Variants in RAP1GAP2 observed in about 807,000 individuals in gnomAD.
RAP1GAP2 encodes the protein RAP1 GTPase activating protein 2.
RAP1GAP2 carries 27 observed loss-of-function variants against 95.0 expected under a neutral mutation model. The observed-to-expected ratio is 0.28, with a 90% CI of 0.21 to 0.39. RAP1GAP2 has a LOEUF of 0.39. Among genes scored for constraint, RAP1GAP2 ranks in the 10% least tolerant of loss-of-function variants. The pLI, the probability that RAP1GAP2 is intolerant of heterozygous loss-of-function variation, is 1.00. For synonymous variants in RAP1GAP2, 373 were observed against 380.9 expected, an observed-to-expected ratio of 0.98 and a Z score of 0.24; for missense variants, 771 against 970.0, an observed-to-expected ratio of 0.79 and a Z score of 2.72.
In RAP1GAP2 at chr17:2,849,656, G is replaced by A. The variant is rs995893484; in HGVS notation, c.80+49106G>A. Among the ~76,000 whole-genome samples, 9 of 152,304 alleles carry A rather than the reference G, an allele frequency of 5.9e-5. No homozygotes were observed. The East Asian group carries it at 1.7e-3, about 29-fold the overall frequency. ...TTCCCCTGGACTGGAAGAGAGACCT[G>A]GGCTGGCAGCTGCCGGGCACTTTGT... On this transcript the variant is annotated intron_variant, in intron 2 of 24. Transcript: ENST00000254695.
At chr17:2,889,680 A>ATTTTTTTT (rs66922781) in intron 2 of RAP1GAP2, among the ~76,000 whole-genome samples, 3 of 108,550 alleles carry the variant, frequency 2.8e-5, no homozygotes, top group African/African-American at 1.1e-4. Context: ...TCTGCGCTGG[A>ATTTTTTTT]TTTTTTTTTT....
intron 10 of RAP1GAP2, among the ~76,000 whole-genome samples, chr17:2,983,268 C>G (rs1334742286): frequency 6.6e-6 from 1 of 151,518 alleles, no homozygotes; most frequent in African/African-American, 2.4e-5. Context: ...TCACCGCTGT[C>G]CTTCAAATCT....
At chr17:2,819,929 C>T (rs902924935) in intron 2 of RAP1GAP2, among the ~76,000 whole-genome samples, 1 of 151,754 alleles carries the variant, frequency 6.6e-6, no homozygotes, top group African/African-American at 2.4e-5. Flanking sequence ...GGGACTACAG[C>T]ATGCACCACC....
At chr17:2,833,867 C>T (rs542499685) in intron 2 of RAP1GAP2, among the ~76,000 whole-genome samples, 4 of 152,194 alleles carry the variant, frequency 2.6e-5, no homozygotes, top group African/African-American at 9.6e-5. Context: ...TTCTATGCCA[C>T]TAGTAGGAGT....
chr17:3,020,396 T>C, intron 18 of RAP1GAP2, 81 bp from the exon 19 acceptor site: 2 of 1,150,798 alleles, frequency 1.7e-6, no homozygotes, highest in South Asian at 1.3e-5. Context: ...CAGGAGCCAT[T>C]TGTAGACCAG....
At chr17:2,832,464 A>T (rs1471591923) in intron 2 of RAP1GAP2, among the ~76,000 whole-genome samples, 1 of 149,020 alleles carries the variant, frequency 6.7e-6, no homozygotes, top group African/African-American at 2.5e-5. Flanking sequence ...AGGCTGAGGC[A>T]GGAGAATGGC....
At chr17:3,030,046 TATATATAC>T (rs1271195125) in intron 22 of RAP1GAP2, among the ~76,000 whole-genome samples, 2 of 148,090 alleles carry the variant, frequency 1.4e-5, no homozygotes, top group Non-Finnish European at 3.0e-5. Context: ...ATGTATATAT[TATATATAC>T]ATATATAGTA....
At chr17:2,796,385 T>C (rs2069081804), upstream of RAP1GAP2, 1 of 861,614 alleles carries the variant, frequency 1.2e-6, no homozygotes, top group East Asian at 2.7e-5. This position sits in a 1 kb window ranked among gnomAD's most constrained non-coding sequence, Gnocchi z 4.7. Context: ...AAGCTCGGGT[T>C]GGGGGCAGGC....
At chr17:2,928,280 G>T (rs538346140) in intron 3 of RAP1GAP2, among the ~76,000 whole-genome samples, 1 of 152,140 alleles carries the variant, frequency 6.6e-6, no homozygotes, top group African/African-American at 2.4e-5. Context: ...CTCTCCATGC[G>T]GCCGGTGGGG....
Position 2,796,744 on chromosome 17 carries a change from G to A in RAP1GAP2, c.44+173G>A, listed in dbSNP as rs1185414940. ...GATCCTGGTGGGGACATCAGAGACC[G>A]TAAGCCTTCCCCACTGTCCCTGGGC... On this transcript the variant is annotated intron_variant, in intron 1 of 24. Transcript: ENST00000254695. This position sits in a 1 kb window ranked among gnomAD's most constrained non-coding sequence, Gnocchi z 4.7. Among the ~76,000 whole-genome samples, 2 of 152,200 alleles carry A rather than the reference G, an allele frequency of 1.3e-5. No homozygotes were observed. Among genetic ancestry groups the A allele is most frequent in the Admixed American group, 6.5e-5 (1 of 15,280 alleles).
chr17:2,933,123 C>T (rs56965830), intron 3 of RAP1GAP2, among the ~76,000 whole-genome samples: 3,752 of 152,164 alleles, frequency 0.025, 156 homozygotes, highest in African/African-American at 0.086. Context: ...CAGGAGAGGG[C>T]GGGAAGAGAG....
intron 2 of RAP1GAP2, among the ~76,000 whole-genome samples, chr17:2,801,981 T>C (rs1026277762): frequency 3.9e-5 from 6 of 152,206 alleles, no homozygotes; most frequent in Non-Finnish European, 8.8e-5. Context: ...CAATGAGTAC[T>C]GGCTAACCAT....
chr17:2,875,201 A>G (rs111581221), intron 2 of RAP1GAP2, among the ~76,000 whole-genome samples: 18,918 of 151,868 alleles, frequency 0.12, 1,622 homozygotes, highest in African/African-American at 0.24. Flanking sequence ...GGAGTAGCTG[A>G]GATTACAGGC....
At chr17:3,018,718 G>C (rs547567132) in intron 18 of RAP1GAP2, among the ~76,000 whole-genome samples, 3 of 152,170 alleles carry the variant, frequency 2.0e-5, no homozygotes, top group Non-Finnish European at 4.4e-5. Flanking sequence ...TGAGGAAAAG[G>C]AGGCCCGCTG....
chr17:2,824,285 T>G (rs953297968), intron 2 of RAP1GAP2, among the ~76,000 whole-genome samples: 1 of 146,318 alleles, frequency 6.8e-6, no homozygotes, highest in African/African-American at 2.5e-5. Context: ...CTGTCTCTAC[T>G]AAAGTACAAA....
intron 3 of RAP1GAP2, among the ~76,000 whole-genome samples, chr17:2,955,533 T>C (rs932930004): frequency 2.6e-5 from 4 of 152,234 alleles, no homozygotes; most frequent in African/African-American, 4.8e-5. Flanking sequence ...TTATCAGATA[T>C]ACAATTTGCA....
chr17:2,829,729 A>G (rs1597389016), intron 2 of RAP1GAP2, among the ~76,000 whole-genome samples: 2 of 151,742 alleles, frequency 1.3e-5, no homozygotes, highest in Admixed American at 6.6e-5. Context: ...TGGCTGTCGG[A>G]TGTCAGAGTT....
At chr17:2,938,049 C>T (rs777519112) in intron 3 of RAP1GAP2, among the ~76,000 whole-genome samples, 3 of 152,118 alleles carry the variant, frequency 2.0e-5, no homozygotes, top group Non-Finnish European at 2.9e-5. Context: ...GAGCAGGGAG[C>T]GAGCACGGAG....
At chr17:2,808,637 G>A (rs1463073081) in intron 2 of RAP1GAP2, among the ~76,000 whole-genome samples, 1 of 152,156 alleles carries the variant, frequency 6.6e-6, no homozygotes, top group East Asian at 1.9e-4. Context: ...GGCCGGTGTG[G>A]CCGCCCTTGT....
Sources: gnomAD v4.1 joint callset for allele counts (sites outside exome capture counted in the v4.1 genomes callset) on GRCh38, gnomAD v4.1.1 for gene constraint, Gnocchi (gnomAD v3.1) non-coding constraint, MANE v1.5 for transcripts, NCBI Gene and HGNC (gene_info 2026-07-23, HGNC 2026-07-21) for gene names.